Variants in FBXL17 observed in about 807,000 individuals in gnomAD.
FBXL17 encodes the protein F-box/LRR-repeat protein 17.
A neutral mutation model predicts 66.2 loss-of-function variants in FBXL17; 22 were observed. That is an observed-to-expected ratio of 0.33 (90% CI 0.24 to 0.47). The LOEUF (loss-of-function observed/expected upper bound fraction) is 0.47, where lower values mean the gene tolerates loss of function less well. Among genes scored for constraint, FBXL17 ranks in the 20% least tolerant of loss-of-function variants. FBXL17 has a pLI of 1.00. For missense variants in FBXL17, 878 were observed against 948.2 expected (o/e 0.93, Z 0.97); for synonymous variants, 474 against 400.5 (o/e 1.18, Z -2.19).
At chr5:108,328,584 T>C (rs1012369066) in intron 4 of FBXL17, among the ~76,000 whole-genome samples, 5 of 152,078 alleles carry the variant, frequency 3.3e-5, no homozygotes, top group Admixed American at 1.3e-4. Context: ...TAGGGACAGA[T>C]ACACGCATGT....
intron 4 of FBXL17, among the ~76,000 whole-genome samples, chr5:108,334,873 TC>T (rs767843537): frequency 2.0e-5 from 3 of 152,154 alleles, no homozygotes; most frequent in Non-Finnish European, 4.4e-5. Context: ...ACCACCGAAG[TC>T]TTACGCGGAC....
chr5:108,359,068 C>A (rs1010432655), intron 3 of FBXL17, among the ~76,000 whole-genome samples: 1 of 151,908 alleles, frequency 6.6e-6, no homozygotes, highest in African/African-American at 2.4e-5. Context: ...GAAATTTTTC[C>A]ATTTCTTCTA....
intron 6 of FBXL17, among the ~76,000 whole-genome samples, chr5:108,076,590 T>G (rs1212939595): frequency 6.6e-6 from 1 of 152,138 alleles, no homozygotes; most frequent in Admixed American, 6.5e-5. Flanking sequence ...CTGAAATATA[T>G]TTCTTTGACA....
chr5:107,929,198 C>T (rs1329670368), intron 7 of FBXL17, among the ~76,000 whole-genome samples: 2 of 152,020 alleles, frequency 1.3e-5, no homozygotes, highest in African/African-American at 4.8e-5. Flanking sequence ...GAGAATAATT[C>T]ATTTTTAAAT....
chr5:108,381,040 C>T lies in FBXL17; in HGVS notation c.652G>A (p.Gly218Arg), dbSNP rs1193356607. ...TPCKQPRCGG[G>R]GCGGGGGGGG... Reference sequence around the variant, plus strand: ...CCGCCGCCGCCGCCGCCGCAGCCCCCGCCGCCGCAGCGGGGCTGCTTGCAG... The same window carrying T: ...CCGCCGCCGCCGCCGCCGCAGCCCCTGCCGCCGCAGCGGGGCTGCTTGCAG... Residue 218 changes from glycine (G) to arginine (R), a missense_variant, in exon 1 of 9, where the codon GGG becomes AGG. Physicochemically the swap from Gly to Arg is moderately radical, Grantham distance 125. Around this residue, in one of 4 missense-constraint regions of FBXL17, gnomAD observed 605 missense variants for 509.5 expected, o/e 1.19. Transcript: ENST00000542267. 8.3e-7 allele frequency: 1 copy of T among 1,203,272 alleles called. No individual in the cohort carries two copies. The highest frequency in any genetic ancestry group is 1.0e-6 in the Non-Finnish European group (1 of 970,124). The allele number at this position is 1,203,272 out of a possible 1,614,324, so 74.5% of individuals were successfully genotyped here. A position where few individuals can be genotyped will look rare whatever the true frequency, so the allele number is the denominator to read the frequency against.
At chr5:108,323,572 A>AT (rs1759718454) in intron 4 of FBXL17, among the ~76,000 whole-genome samples, 1 of 151,962 alleles carries the variant, frequency 6.6e-6, no homozygotes, top group African/African-American at 2.4e-5. Flanking sequence ...TCTGAAGGGC[A>AT]TTTTTTGCAG....
At chr5:107,949,183 T>TAAAAA (rs11380062) in intron 7 of FBXL17, among the ~76,000 whole-genome samples, 1 of 142,034 alleles carries the variant, frequency 7.0e-6, no homozygotes, top group Non-Finnish European at 1.5e-5. Context: ...ATGCACTTCA[T>TAAAAA]AAAAAAAAAA....
intron 6 of FBXL17, among the ~76,000 whole-genome samples, chr5:108,163,846 A>C (rs1752312597): frequency 6.6e-6 from 1 of 152,212 alleles, no homozygotes; most frequent in Non-Finnish European, 1.5e-5. Flanking sequence ...TAGTTTTGAA[A>C]CTTTCCACCT....
chr5:107,983,641 A>G (rs1752908209), intron 7 of FBXL17, among the ~76,000 whole-genome samples: 1 of 152,214 alleles, frequency 6.6e-6, no homozygotes, highest in Non-Finnish European at 1.5e-5. Context: ...GAATAAAACC[A>G]TATCCTCTCG....
intron 7 of FBXL17, among the ~76,000 whole-genome samples, chr5:107,992,519 C>T (rs1454044626): frequency 2.6e-5 from 4 of 152,124 alleles, no homozygotes; most frequent in Non-Finnish European, 5.9e-5. Context: ...CATTACTAAG[C>T]AGATTTTCCC....
intron 6 of FBXL17, among the ~76,000 whole-genome samples, chr5:108,121,723 A>AT (rs1018241120): frequency 1.3e-5 from 2 of 151,898 alleles, no homozygotes; most frequent in African/African-American, 4.8e-5. Flanking sequence ...CGCCTGGCTA[A>AT]TTTTTTTGTA....
At chr5:108,107,263 A>G (rs980198849) in intron 6 of FBXL17, among the ~76,000 whole-genome samples, 2 of 151,980 alleles carry the variant, frequency 1.3e-5, no homozygotes, top group African/African-American at 4.8e-5. Context: ...GTAGAGACAG[A>G]GTTTCTCCAT....
rs1748121061 is a variant in FBXL17 at position 107,861,485 on chromosome 5, C to G, written c.*235G>C. 9.0e-6 allele frequency: 3 copies of G among 333,642 alleles called. No individual in the cohort carries two copies. The highest frequency in any genetic ancestry group is 1.1e-5 in the Non-Finnish European group (2 of 188,364). 20.7% of individuals were successfully genotyped at this position (333,642 alleles called of 1,614,324 possible). A position where few individuals can be genotyped will look rare whatever the true frequency, so the allele number is the denominator to read the frequency against. On this transcript the variant is annotated 3_prime_UTR_variant, in exon 9 of 9. Coordinates refer to ENST00000542267, the MANE Select transcript of FBXL17 (RefSeq NM_001163315.3). ...AGAAAGAAGCCTTTGAAGTTAAAAA[C>G]TAAAAAGTTTGTGGCTTTCATAATC...
chr5:108,023,565 G>T (rs1342261336), intron 6 of FBXL17, among the ~76,000 whole-genome samples: 4 of 152,156 alleles, frequency 2.6e-5, no homozygotes, highest in Non-Finnish European at 4.4e-5. Flanking sequence ...TTCATGATGA[G>T]AGATTGTGGG....
At chr5:108,200,737 A>G (rs1300246735) in intron 5 of FBXL17, among the ~76,000 whole-genome samples, 2 of 152,046 alleles carry the variant, frequency 1.3e-5, no homozygotes, top group Non-Finnish European at 2.9e-5. Context: ...CTGGGATACA[A>G]TCAATTGAAC....
intron 6 of FBXL17, among the ~76,000 whole-genome samples, chr5:108,182,020 C>T (rs968403389): frequency 3.3e-5 from 5 of 152,112 alleles, no homozygotes; most frequent in South Asian, 2.1e-4. Context: ...AATGAGAACA[C>T]GTGTAAAGTG....
chr5:108,222,113 T>C (rs1217606993), intron 5 of FBXL17, among the ~76,000 whole-genome samples: 1 of 152,236 alleles, frequency 6.6e-6, no homozygotes, highest in Non-Finnish European at 1.5e-5. Context: ...AGCTTTCCAA[T>C]GCAGACATTT....
Position 108,382,048 on chromosome 5 carries a change from T to C in FBXL17, c.-357A>G, listed in dbSNP as rs1389608429. The C allele has an allele frequency of 6.7e-6, 6 of 900,984 alleles. No homozygotes were observed. Among genetic ancestry groups the C allele is most frequent in the African/African-American group, 1.8e-5 (1 of 56,706 alleles). The allele number at this position is 900,984 out of a possible 1,614,324, so 55.8% of individuals were successfully genotyped here. A position where few individuals can be genotyped will look rare whatever the true frequency, so the allele number is the denominator to read the frequency against. On this transcript the variant is annotated 5_prime_UTR_variant, in exon 1 of 9. Transcript: ENST00000542267. ...CGGCCGGGGAAAGGCCGGGTCCCGC[T>C]CGGACCATTTTAACTGCGGATCCGC...
rs750563015 is a variant in FBXL17 at position 107,929,978 on chromosome 5, C to T, written c.1823-48799G>A. 3.3e-5 allele frequency among the ~76,000 whole-genome samples: 5 copies of T among 152,264 alleles called. No individual in the cohort carries two copies. The East Asian group carries it at 7.7e-4, about 24-fold the overall frequency. On this transcript the variant is annotated intron_variant, in intron 7 of 8. Transcript: ENST00000542267. The stretch of plus-strand genomic sequence containing the variant: ...AAATTCCAGAAGAAAATCTAATGAA[C>T]CATGAATCCATTCACTTTTGTCCAT...
Sources: gnomAD v4.1 joint callset for allele counts (sites outside exome capture counted in the v4.1 genomes callset) on GRCh38, gnomAD v4.1.1 for gene constraint, gnomAD v4.1.1 regional missense constraint, MANE v1.5 for transcripts, NCBI Gene and HGNC (gene_info 2026-07-23, HGNC 2026-07-21) for gene names.